PCDHGB6: variants seen among roughly 807,000 people sequenced by gnomAD.
The protein encoded by PCDHGB6 is protocadherin gamma-B6.
A neutral mutation model predicts 59.1 loss-of-function variants in PCDHGB6; 51 were observed. The observed-to-expected ratio is 0.86, with a 90% CI of 0.69 to 1.09. PCDHGB6 has a LOEUF of 1.09. PCDHGB6 is among the 50% of genes least tolerant of loss of function. The pLI is 0.00. For synonymous variants in PCDHGB6, 466 were observed against 495.1 expected (o/e 0.94, Z 0.78); for missense variants, 1,148 against 1,205.1 (o/e 0.95, Z 0.70).
chr5:141,410,402 A>G lies in PCDHGB6; in HGVS notation c.2200A>G (p.Lys734Glu). The change falls in exon 1 of 4, where the codon AAG becomes GAG. Residue 734 changes from lysine (K) to glutamate (E), a missense_variant. Coordinates refer to ENST00000520790, the MANE Select transcript of PCDHGB6 (RefSeq NM_018926.3). ...CTGCTTCCATCCTGGTCTCTGTGTC[A>G]AGTCTGGACCTGTAGTTCCCCCCAA... Reference protein sequence around the residue: ...WDCFHPGLCVKSGPVVPPNYS... With the variant: ...WDCFHPGLCVESGPVVPPNYS... 6.2e-7 allele frequency: 1 copy of G among 1,614,008 alleles called. No homozygotes were observed. The highest frequency in any genetic ancestry group is 1.1e-5 in the South Asian group (1 of 91,086).
intron 2 of PCDHGB6, among the ~76,000 whole-genome samples, chr5:141,497,393 CT>C (rs1035907100): frequency 2.1e-4 from 32 of 152,254 alleles, no homozygotes; most frequent in African/African-American, 7.5e-4. Context: ...CACCTTACCC[CT>C]GCCTCAACTC....
rs568542355 is a variant in PCDHGB6, at chr5:141,431,678, T to C, written c.2418+21058T>C. 4 of 1,614,084 alleles carry C rather than the reference T, an allele frequency of 2.5e-6. No individual in the cohort carries two copies. Among genetic ancestry groups the C allele is most frequent in the African/African-American group, 2.7e-5 (2 of 75,012 alleles). ...AGGGACAATATCAACAATAGGGGAG[T>C]TGGACCACGAGGAGTCAGGATTCTA... On this transcript the variant is annotated intron_variant, in intron 1 of 3. Transcript: ENST00000520790. The surrounding 1 kb of genome is among the most constrained non-coding windows in gnomAD (Gnocchi z 4.8).
rs2154539952 is a variant in PCDHGB6, at chr5:141,408,296, C to T, written c.94C>T (p.Pro32Ser). ...TTTGTTCTACCCCACCCTGAGTGAG[C>T]CGATCCGCTACTCGATTCCGGAGGA... is the stretch of plus-strand genomic sequence containing the variant. ...LPLFYPTLSE[P>S]IRYSIPEELA... The change falls in exon 1 of 4, where the codon CCG (proline) becomes TCG (serine). Residue 32 changes from proline to serine, a missense_variant. By Grantham distance (74) the Pro-to-Ser change is moderately conservative. This residue lies in a region of PCDHGB6 where 307 missense variants were observed against 323.8 expected (regional missense o/e 0.95). Transcript: ENST00000520790. 1.2e-6 allele frequency: 2 copies of T among 1,613,550 alleles called. No individual in the cohort carries two copies. Among genetic ancestry groups the T allele is most frequent in the Non-Finnish European group, 1.7e-6 (2 of 1,179,614 alleles).
intron 1 of PCDHGB6, chr5:141,420,414 T>C: frequency 8.2e-7 from 1 of 1,221,674 alleles, no homozygotes; most frequent in Non-Finnish European, 1.1e-6. Flanking sequence ...GTTATCATTA[T>C]TAAAACAAAA....
chr5:141,410,014 G>C lies in PCDHGB6; in HGVS notation c.1812G>C (p.Leu604=), dbSNP rs1185262301. Residue 604 remains leucine, a synonymous_variant, in exon 1 of 4, where the codon CTG becomes CTC. Coordinates refer to ENST00000520790, the MANE Select transcript of PCDHGB6 (RefSeq NM_018926.3). ...VDADSGHNAW[L]SYHVLQASEP... is the part of the protein sequence containing the mutation. ...CCGACTCGGGACACAACGCCTGGCT[G>C]TCCTACCACGTGCTGCAGGCCAGTG... is the stretch of plus-strand genomic sequence containing the variant. The C allele has an allele frequency of 1.2e-6, 2 of 1,613,296 alleles. No homozygotes were observed.
chr5:141,490,128 C>T lies in PCDHGB6; in HGVS notation c.2419-4679C>T, dbSNP rs970815408. 1.2e-6 allele frequency: 2 copies of T among 1,614,254 alleles called. No homozygotes were observed. Among genetic ancestry groups the T allele is most frequent in the Non-Finnish European group, 8.5e-7 (1 of 1,180,042 alleles). ...CAGTGCGGAACCTCTTTGGCCTAGA[C>T]CCTAGCAGTGGGGCAATCCATGTGT... On this transcript the variant is annotated intron_variant, in intron 1 of 3. Transcript: ENST00000520790. The surrounding 1 kb of genome is among the most constrained non-coding windows in gnomAD (Gnocchi z 5.4).
At chr5:141,497,354 A>G (rs1430368474) in intron 2 of PCDHGB6, among the ~76,000 whole-genome samples, 1 of 152,054 alleles carries the variant, frequency 6.6e-6, no homozygotes, top group Non-Finnish European at 1.5e-5. Flanking sequence ...AGCCCCACCA[A>G]CTGCCTCTCA....
chr5:141,429,314 C>A (rs1463397731), intron 1 of PCDHGB6, among the ~76,000 whole-genome samples: 2 of 151,722 alleles, frequency 1.3e-5, no homozygotes, highest in Admixed American at 6.6e-5. Flanking sequence ...GTATATAAGG[C>A]TTTTTCTTTA....
In PCDHGB6 at chr5:141,410,555, C is replaced by G; in HGVS notation, c.2353C>G (p.Pro785Ala). ...TGAAGACATGGTTTGCAGTGTTTCT[C>G]CTGGAGCCTTAATTCCACCTCATGG... ...SNEDMVCSVS[P>A]GALIPPHGGE... The change falls in exon 1 of 4, where the codon CCT becomes GCT. Residue 785 changes from proline to alanine, a missense_variant. Pro to Ala is a conservative substitution (Grantham distance 27). Transcript: ENST00000520790. The G allele has an allele frequency of 1.2e-6, 2 of 1,613,202 alleles. No individual in the cohort carries two copies. The highest frequency in any genetic ancestry group is 1.7e-6 in the Non-Finnish European group (2 of 1,179,890).
intron 2 of PCDHGB6, among the ~76,000 whole-genome samples, chr5:141,504,704 A>G (rs965376942): frequency 1.3e-5 from 2 of 151,356 alleles, no homozygotes; most frequent in African/African-American, 4.8e-5. Flanking sequence ...AGGTTCTTCT[A>G]TGGCCGTGGA....
chr5:141,477,219 G>A lies in PCDHGB6; in HGVS notation c.2419-17588G>A. ...CCAGTACCCGAGGATGCCCCTCTGG[G>A]GACTGTCATCGCTTTGCTCAGTGTG... On this transcript the variant is annotated intron_variant, in intron 1 of 3. Coordinates refer to ENST00000520790, the MANE Select transcript of PCDHGB6 (RefSeq NM_018926.3). The surrounding 1 kb of genome is among the most constrained non-coding windows in gnomAD (Gnocchi z 4.9). 1 of 1,614,162 alleles carries A rather than the reference G, an allele frequency of 6.2e-7. No homozygotes were observed. The highest frequency in any genetic ancestry group is 8.5e-7 in the Non-Finnish European group (1 of 1,180,038).
intron 1 of PCDHGB6, chr5:141,417,266 T>C (rs2096102700): frequency 6.6e-6 from 1 of 152,184 alleles, no homozygotes; most frequent in Non-Finnish European, 1.5e-5. Context: ...CATAGATAAT[T>C]ACTCTTAAAA....
intron 1 of PCDHGB6, among the ~76,000 whole-genome samples, chr5:141,458,526 A>T (rs921943954): frequency 1.7e-4 from 26 of 151,492 alleles, no homozygotes; most frequent in African/African-American, 5.6e-4. Flanking sequence ...TTTTTTTTTA[A>T]CTTATCAACT....
In PCDHGB6 at chr5:141,477,806, G is replaced by T; in HGVS notation, c.2419-17001G>T. ...ATTTGTCACTGATCGCAATGACAAT[G>T]CCCCCCAGGTCCTATATCCTCGGCC... On this transcript the variant is annotated intron_variant, in intron 1 of 3. Coordinates refer to ENST00000520790, the MANE Select transcript of PCDHGB6 (RefSeq NM_018926.3). The surrounding 1 kb of genome is among the most constrained non-coding windows in gnomAD (Gnocchi z 4.9). 6.2e-7 allele frequency: 1 copy of T among 1,614,118 alleles called. No homozygotes were observed. The highest frequency in any genetic ancestry group is 8.5e-7 in the Non-Finnish European group (1 of 1,180,036).
Position 141,511,107 on chromosome 5 carries a change from G to A in PCDHGB6, c.2727G>A (p.Arg909=), listed in dbSNP as rs2099883608. 1 of 1,614,220 alleles carries A rather than the reference G, an allele frequency of 6.2e-7. No homozygotes were observed. Among genetic ancestry groups the A allele is most frequent in the Non-Finnish European group, 8.5e-7 (1 of 1,180,020 alleles). Residue 909 remains arginine, a synonymous_variant, in exon 4 of 4, where the codon CGG becomes CGA. Coordinates refer to ENST00000520790, the MANE Select transcript of PCDHGB6 (RefSeq NM_018926.3). Reference sequence around the variant, plus strand: ...CACTGACCAACGCAGCTGGCAAGCGGGATGGCAAGGCCCCAGCAGGTGGCA... The same window carrying A: ...CACTGACCAACGCAGCTGGCAAGCGAGATGGCAAGGCCCCAGCAGGTGGCA... The part of the protein sequence containing the change: ...NATLTNAAGK[R]DGKAPAGGNG...
At chr5:141,501,540 A>G (rs151047391) in intron 2 of PCDHGB6, among the ~76,000 whole-genome samples, 2 of 152,138 alleles carry the variant, frequency 1.3e-5, no homozygotes, top group East Asian at 3.9e-4. Flanking sequence ...GTTGTTGTGC[A>G]TAAGATCATA....
intron 1 of PCDHGB6, among the ~76,000 whole-genome samples, chr5:141,442,843 G>C (rs1264073611): frequency 2.0e-5 from 3 of 152,134 alleles, no homozygotes; most frequent in African/African-American, 7.2e-5. Flanking sequence ...GACAAATCTT[G>C]GCCATTGTAG....
At position 141,476,791 on chromosome 5, in the gene PCDHGB6, C is replaced by A. The variant is rs766227340; in HGVS notation, c.2419-18016C>A. 1 of 1,613,512 alleles carries A rather than the reference C, an allele frequency of 6.2e-7. No individual in the cohort carries two copies. Among genetic ancestry groups the A allele is most frequent in the Non-Finnish European group, 8.5e-7 (1 of 1,180,014 alleles). On this transcript the variant is annotated intron_variant, in intron 1 of 3. Transcript: ENST00000520790. This position sits in a 1 kb window ranked among gnomAD's most constrained non-coding sequence, Gnocchi z 7.6. ...TGGACGGAGGGACCCCAGCTCTCTC[C>A]GCCAGCCTGCCTATTCACATCAAGG...
At position 141,472,488 on chromosome 5, in the gene PCDHGB6, C is replaced by T. The variant is rs183545662; in HGVS notation, c.2419-22319C>T. 4.0e-3 allele frequency among the ~76,000 whole-genome samples: 607 copies of T among 151,768 alleles called. 6 individuals carry two copies. The highest frequency in any genetic ancestry group is 0.011 in the Admixed American group (174 of 15,254). On this transcript the variant is annotated intron_variant, in intron 1 of 3. Coordinates refer to ENST00000520790, the MANE Select transcript of PCDHGB6 (RefSeq NM_018926.3). Reference sequence around the variant, plus strand: ...CCAGAAGGCAGAGCTTGCAGTGAGACGAGATCGTGCCACTGCACTCCAGCC... The same window carrying T: ...CCAGAAGGCAGAGCTTGCAGTGAGATGAGATCGTGCCACTGCACTCCAGCC...
Sources: gnomAD v4.1 joint callset for allele counts (sites outside exome capture counted in the v4.1 genomes callset) on GRCh38, gnomAD v4.1.1 for gene constraint, gnomAD v4.1.1 regional missense constraint, Gnocchi (gnomAD v3.1) non-coding constraint, MANE v1.5 for transcripts, NCBI Gene and HGNC (gene_info 2026-07-23, HGNC 2026-07-21) for gene names.